SMYD3: variants seen among roughly 807,000 people sequenced by gnomAD.
SMYD3 encodes SET and MYND domain containing 3, also known as histone-lysine N-methyltransferase SMYD3.
SMYD3 carries 36 observed loss-of-function variants against 57.7 expected under a neutral mutation model. The ratio of observed to expected loss-of-function variants is 0.62; its 90% CI spans 0.48 to 0.82. The LOEUF is 0.82. SMYD3 is among the 40% of genes least tolerant of loss of function. The pLI is 0.00. For synonymous variants in SMYD3, 211 were observed against 195.0 expected, an observed-to-expected ratio of 1.08 and a Z score of -0.68; for missense variants, 515 against 538.8, an observed-to-expected ratio of 0.96 and a Z score of 0.44.
intron 5 of SMYD3, among the ~76,000 whole-genome samples, chr1:245,957,822 C>T (rs115633343): frequency 2.0e-5 from 3 of 152,178 alleles, no homozygotes; most frequent in Non-Finnish European, 2.9e-5. Context: ...AACTTACCTT[C>T]CTCATTATTT....
intron 5 of SMYD3, among the ~76,000 whole-genome samples, chr1:246,324,115 A>G (rs1045039828): frequency 6.6e-6 from 1 of 152,186 alleles, no homozygotes; most frequent in African/African-American, 2.4e-5. Flanking sequence ...TTCAATGAAA[A>G]TTAGATGGTC....
chr1:246,269,648 AACCTCAACCTCCCGAGCCC>A (rs1173707650), intron 5 of SMYD3, among the ~76,000 whole-genome samples: 6 of 150,244 alleles, frequency 4.0e-5, no homozygotes, highest in Non-Finnish European at 8.8e-5. Context: ...AGCTCACCGC[AACCTCAACCTCCCGAGCCC>A]AAGCAATCCT....
At chr1:246,393,582 T>C (rs2066605686) in intron 1 of SMYD3, among the ~76,000 whole-genome samples, 1 of 148,802 alleles carries the variant, frequency 6.7e-6, no homozygotes, top group Non-Finnish European at 1.5e-5. Context: ...CTCATACCTA[T>C]AATCTTGGCA....
At chr1:245,876,426 G>A (rs2052488878) in intron 8 of SMYD3, among the ~76,000 whole-genome samples, 1 of 152,218 alleles carries the variant, frequency 6.6e-6, no homozygotes, top group Admixed American at 6.5e-5. Flanking sequence ...GACCATCAGC[G>A]TGGCCTTTGC....
chr1:245,868,457 T>C (rs192189095), intron 8 of SMYD3, among the ~76,000 whole-genome samples: 16 of 152,140 alleles, frequency 1.1e-4, no homozygotes, highest in African/African-American at 3.4e-4. Context: ...TCCTCCAACA[T>C]AGAACCCACA....
At chr1:245,780,068 G>A (rs1053758381) in intron 10 of SMYD3, among the ~76,000 whole-genome samples, 1 of 152,172 alleles carries the variant, frequency 6.6e-6, no homozygotes, top group African/African-American at 2.4e-5. Flanking sequence ...CTCATACCCT[G>A]CTGGTGGGAG....
chr1:246,452,410 G>A (rs145655645), intron 1 of SMYD3, among the ~76,000 whole-genome samples: 67 of 152,216 alleles, frequency 4.4e-4, no homozygotes, highest in African/African-American at 1.5e-3. Flanking sequence ...GCTGAGGCAC[G>A]AGAATCGTTT....
At chr1:246,279,763 A>G (rs2064407327) in intron 5 of SMYD3, among the ~76,000 whole-genome samples, 1 of 152,214 alleles carries the variant, frequency 6.6e-6, no homozygotes, top group Non-Finnish European at 1.5e-5. Context: ...TTGCTCTGCC[A>G]GGGACAGCCC....
intron 2 of SMYD3, among the ~76,000 whole-genome samples, chr1:246,337,307 G>T (rs1343849572): frequency 6.6e-6 from 1 of 152,166 alleles, no homozygotes; most frequent in Admixed American, 6.5e-5. Flanking sequence ...AAAGAAATGT[G>T]TATAAATTAT....
intron 5 of SMYD3, among the ~76,000 whole-genome samples, chr1:245,938,971 C>A (rs1031288557): frequency 2.0e-5 from 3 of 151,854 alleles, no homozygotes; most frequent in African/African-American, 7.3e-5. Flanking sequence ...CATGGTGAAA[C>A]CCTGTCTCTA....
chr1:245,848,277 CTGTG>C (rs3086296), intron 10 of SMYD3, among the ~76,000 whole-genome samples: 2 of 150,144 alleles, frequency 1.3e-5, no homozygotes, highest in South Asian at 2.1e-4. Flanking sequence ...TTATTTTTTT[CTGTG>C]TGTGTGTGTG....
intron 8 of SMYD3, among the ~76,000 whole-genome samples, chr1:245,869,707 A>T (rs950859873): frequency 6.6e-6 from 1 of 151,950 alleles, no homozygotes; most frequent in East Asian, 1.9e-4. Flanking sequence ...TTCCCCTCAC[A>T]GCTCCACCCC....
At chr1:245,985,980 G>C (rs957829426) in intron 5 of SMYD3, among the ~76,000 whole-genome samples, 1 of 151,994 alleles carries the variant, frequency 6.6e-6, no homozygotes, top group African/African-American at 2.4e-5. Flanking sequence ...ATAATACCTG[G>C]CTCAAAATAG....
intron 5 of SMYD3, among the ~76,000 whole-genome samples, chr1:246,094,759 C>A (rs756224823): frequency 4.6e-5 from 7 of 152,178 alleles, no homozygotes; most frequent in South Asian, 2.1e-4. Flanking sequence ...CATTTCTTCA[C>A]GGCTAATGTC....
At chr1:245,841,502 T>C (rs541737800) in intron 10 of SMYD3, among the ~76,000 whole-genome samples, 1 of 152,334 alleles carries the variant, frequency 6.6e-6, no homozygotes, top group Non-Finnish European at 1.5e-5. Flanking sequence ...AAATGTAAAT[T>C]CAAATGCATC....
intron 5 of SMYD3, among the ~76,000 whole-genome samples, chr1:246,146,808 G>A (rs2061850045): frequency 6.6e-6 from 1 of 152,160 alleles, no homozygotes; most frequent in Non-Finnish European, 1.5e-5. Context: ...GAAGGGGAAG[G>A]ATGGCAGAAG....
intron 5 of SMYD3, among the ~76,000 whole-genome samples, chr1:246,020,783 C>A (rs2059457540): frequency 6.6e-6 from 1 of 152,136 alleles, no homozygotes. Context: ...AGGTTAGAAG[C>A]AGAATTGAAG....
At chr1:246,492,994 G>T (rs921157839) in intron 1 of SMYD3, among the ~76,000 whole-genome samples, 9 of 152,176 alleles carry the variant, frequency 5.9e-5, no homozygotes, top group Non-Finnish European at 1.3e-4. Flanking sequence ...TGTTTCTTTT[G>T]TGGGTGATAA....
intron 1 of SMYD3, among the ~76,000 whole-genome samples, chr1:246,493,582 T>G (rs2068304751): frequency 6.6e-6 from 1 of 152,214 alleles, no homozygotes; most frequent in Admixed American, 6.5e-5. Context: ...TCCTCAGCAA[T>G]GCTATCTTTT....
Sources: allele counts gnomAD v4.1 joint callset (sites outside exome capture counted in the v4.1 genomes callset), GRCh38; gene constraint gnomAD v4.1.1; transcripts MANE v1.5; gene names NCBI Gene and HGNC (gene_info 2026-07-23, HGNC 2026-07-21).